Variants in FGFR2 observed in about 807,000 individuals in gnomAD.
FGFR2 encodes BEK fibroblast growth factor receptor.
Under a neutral mutation model 95.9 loss-of-function variants are expected in FGFR2, and 19 were observed. The observed-to-expected ratio is 0.20, with a 90% CI of 0.14 to 0.29. The LOEUF is 0.29. Among genes scored for constraint, FGFR2 ranks in the 10% least tolerant of loss-of-function variants. The pLI is 1.00. For synonymous variants in FGFR2, 392 were observed against 393.3 expected (o/e 1.00, Z 0.04); for missense variants, 707 against 1,056.9 (o/e 0.67, Z 4.59).
chr10:121,585,678 C>A (rs1010788844), intron 2 of FGFR2, among the ~76,000 whole-genome samples: 5 of 152,176 alleles, frequency 3.3e-5, no homozygotes, highest in Non-Finnish European at 7.3e-5. Flanking sequence ...ATACCACATG[C>A]CATCCAAAAT....
At chr10:121,567,972 G>A (rs780564642) in intron 2 of FGFR2, among the ~76,000 whole-genome samples, 2 of 152,234 alleles carry the variant, frequency 1.3e-5, no homozygotes, top group Admixed American at 6.5e-5. Flanking sequence ...AGGACAAAGC[G>A]AAGTTTAAAA....
intron 4 of FGFR2, among the ~76,000 whole-genome samples, chr10:121,555,945 C>A (rs1856070387): frequency 6.6e-6 from 1 of 152,198 alleles, no homozygotes; most frequent in Non-Finnish European, 1.5e-5. Context: ...CCAAGTTATT[C>A]TTTCTCAGGG....
intron 6 of FGFR2, chr10:121,526,752 T>C: frequency 2.5e-6 from 1 of 398,660 alleles, no homozygotes; most frequent in East Asian, 3.6e-5. Flanking sequence ...TTTAAACACA[T>C]TTCTGTGGAA....
chr10:121,583,494 G>C (rs1861277422), intron 2 of FGFR2: 1 of 152,186 alleles, frequency 6.6e-6, no homozygotes, highest in South Asian at 2.1e-4. Flanking sequence ...CCACCAACTG[G>C]GACCCAGTCT....
intron 5 of FGFR2, among the ~76,000 whole-genome samples, chr10:121,548,612 G>A (rs1051516766): frequency 9.9e-5 from 15 of 151,958 alleles, no homozygotes; most frequent in African/African-American, 1.9e-4. Flanking sequence ...TAATGATGTC[G>A]GTTCCATTTA....
chr10:121,552,875 C>A (rs528728605), intron 4 of FGFR2, among the ~76,000 whole-genome samples: 1 of 152,282 alleles, frequency 6.6e-6, no homozygotes, highest in East Asian at 1.9e-4. Flanking sequence ...CTAGACTGAA[C>A]AACAGCACAC....
At chr10:121,515,368 T>C (rs1212774221) in intron 8 of FGFR2, 49 bp from the exon 9 acceptor site, 50 of 1,562,436 alleles carry the variant, frequency 3.2e-5, no homozygotes, top group Non-Finnish European at 4.1e-5. Flanking sequence ...GCCATAGAGT[T>C]AGCACACCAG....
In FGFR2 at chr10:121,559,855, C is replaced by T. The variant is rs114547121; in HGVS notation, c.454+4647G>A. ...AGCATAAGGTCCACAGCATATAATC[C>T]TTCTGAACCACTCAGCCTGCCTGTC... On this transcript the variant is annotated intron_variant, in intron 4 of 17. Transcript: ENST00000358487. Among the ~76,000 whole-genome samples the T allele has an allele frequency of 5.8e-3, 891 of 152,330 alleles. 10 individuals are homozygous for T. The highest frequency in any genetic ancestry group is 0.02 in the African/African-American group (852 of 41,576).
chr10:121,486,673 C>T (rs1845450248), intron 15 of FGFR2, among the ~76,000 whole-genome samples: 3 of 152,204 alleles, frequency 2.0e-5, no homozygotes, highest in South Asian at 2.1e-4. Context: ...ATCTCCTGAC[C>T]TCGTGATCCA....
rs2135482046 is a variant in FGFR2 at position 121,593,714 on chromosome 10, G to C, written c.104C>G (p.Pro35Arg). Reference protein sequence around the residue: ...FSLVEDTTLEPEEPPTKYQIS... With the variant: ...FSLVEDTTLEREEPPTKYQIS... ...AGTGAAATTAAATGACTTACCTTCT[G>C]GCTCTAATGTGGTATCCTCAACTAA... Residue 35 changes from proline to arginine, a missense_variant, in exon 2 of 18, where the codon CCA becomes CGA. Physicochemically the swap from Pro to Arg is moderately radical, Grantham distance 103. Coordinates refer to ENST00000358487, the MANE Select transcript of FGFR2 (RefSeq NM_000141.5). 6.2e-7 allele frequency: 1 copy of C among 1,613,622 alleles called. No individual in the cohort carries two copies. The highest frequency in any genetic ancestry group is 1.1e-5 in the South Asian group (1 of 91,076).
At chr10:121,575,406 C>A (rs1053322119) in intron 2 of FGFR2, among the ~76,000 whole-genome samples, 1 of 152,128 alleles carries the variant, frequency 6.6e-6, no homozygotes, top group African/African-American at 2.4e-5. Flanking sequence ...AAAAGATGCA[C>A]AGAGGGAAGG....
At chr10:121,569,352 T>C (rs2912786) in intron 2 of FGFR2, among the ~76,000 whole-genome samples, 138,278 of 151,906 alleles carry the variant, frequency 0.91, 64,187 homozygotes, top group Non-Finnish European at 1. Flanking sequence ...TCCCAAGTAG[T>C]TGGGATTACA....
intron 5 of FGFR2, among the ~76,000 whole-genome samples, chr10:121,545,211 T>C (rs1314114649): frequency 6.6e-6 from 1 of 152,230 alleles, no homozygotes; most frequent in East Asian, 1.9e-4. Context: ...TCCCCAACTT[T>C]GCTCTCAACT....
At position 121,498,603 on chromosome 10, in the gene FGFR2, C is replaced by A. The variant is rs1389986512; in HGVS notation, c.1564G>T (p.Asp522Tyr). ...TCAGAAAGGTCTTTCTCTGTGGCAT[C>A]ATCTATGAACAGTAGGCATATTCAC... ...VTVAVKMLKD[D>Y]ATEKDLSDLV... Residue 522 changes from aspartate to tyrosine, a missense_variant and splice_region_variant, in exon 12 of 18, where the codon GAT (aspartate) becomes TAT (tyrosine). Asp to Tyr is a radical substitution (Grantham distance 160, BLOSUM62 -3). Around this residue, in one of 7 missense-constraint regions of FGFR2, gnomAD observed 194 missense variants for 267.3 expected, o/e 0.73. Transcript: ENST00000358487. 1 of 1,613,474 alleles carries A rather than the reference C, an allele frequency of 6.2e-7. No homozygotes were observed. Among genetic ancestry groups the A allele is most frequent in the Non-Finnish European group, 8.5e-7 (1 of 1,179,486 alleles).
rs41301549 is a variant in FGFR2, at chr10:121,598,107, C to CGG, written c.-298_-297dup. 822 of 398,330 alleles carry CGG rather than the reference C, an allele frequency of 2.1e-3. 1 individual carries two copies. Among genetic ancestry groups the CGG allele is most frequent in the Middle Eastern group, 8.2e-3 (13 of 1,590 alleles). The allele number at this position is 398,330 out of a possible 1,614,324, so 24.7% of individuals were successfully genotyped here. On this transcript the variant is annotated 5_prime_UTR_variant, in exon 1 of 18. Coordinates refer to ENST00000358487, the MANE Select transcript of FGFR2 (RefSeq NM_000141.5). Reference sequence around the variant, plus strand: ...GGGTCTTCGCCGGCGCCAAGCCTCCCGGGCTTCACGCGTACCCCAGGCTGC... The same window carrying CGG: ...GGGTCTTCGCCGGCGCCAAGCCTCCCGGGGGCTTCACGCGTACCCCAGGCTGC...
chr10:121,544,231 A>C (rs2134696321), intron 5 of FGFR2, among the ~76,000 whole-genome samples: 1 of 152,174 alleles, frequency 6.6e-6, no homozygotes, highest in East Asian at 1.9e-4. Flanking sequence ...GTGGATGGCA[A>C]GTTCAGGAGA....
At chr10:121,576,730 T>C (rs1859822329) in intron 2 of FGFR2, among the ~76,000 whole-genome samples, 1 of 152,096 alleles carries the variant, frequency 6.6e-6, no homozygotes, top group Non-Finnish European at 1.5e-5. Context: ...AAAGCACCTG[T>C]CTCAACAGAC....
intron 12 of FGFR2, among the ~76,000 whole-genome samples, chr10:121,497,552 A>G (rs1028258455): frequency 6.6e-6 from 1 of 152,228 alleles, no homozygotes; most frequent in Non-Finnish European, 1.5e-5. Flanking sequence ...TTATTTATCC[A>G]TTCCCTTATA....
At chr10:121,571,846 G>C (rs184384505) in intron 2 of FGFR2, among the ~76,000 whole-genome samples, 1,926 of 152,042 alleles carry the variant, frequency 0.013, 36 homozygotes, top group African/African-American at 0.043. Flanking sequence ...GGGAGGCTGA[G>C]GCAGGAGAAT....
Sources: gnomAD v4.1 joint callset for allele counts (sites outside exome capture counted in the v4.1 genomes callset) on GRCh38, gnomAD v4.1.1 for gene constraint, gnomAD v4.1.1 regional missense constraint, MANE v1.5 for transcripts, NCBI Gene and HGNC (gene_info 2026-07-23, HGNC 2026-07-21) for gene names.